TOPAZ1: variants seen among roughly 807,000 people sequenced by gnomAD.
The protein encoded by TOPAZ1 is testis and ovary specific TOPAZ 1.
TOPAZ1 carries 66 observed loss-of-function variants against 172.2 expected under a neutral mutation model. The ratio of observed to expected loss-of-function variants is 0.38; its 90% CI spans 0.31 to 0.47. TOPAZ1 has a LOEUF of 0.47. Ranked by LOEUF, TOPAZ1 falls within the 20% of genes least tolerant of loss-of-function variation. The pLI is 0.99. For synonymous variants in TOPAZ1, 681 were observed against 683.9 expected (o/e 1.00, Z 0.07); for missense variants, 1,822 against 1,972.4 (o/e 0.92, Z 1.44).
Position 44,267,049 on chromosome 3 carries a change from C to A in TOPAZ1, c.3073C>A (p.Pro1025Thr), listed in dbSNP as rs1202483110. ...GGTCGGCGAATGTCAATTTGCAGTA[C>A]CAGTCCCGAAACCTCTGTGTTTATT... ...FMVGECQFAV[P>T]VPKPLCLLVP... The change falls in exon 6 of 20, where the codon CCA becomes ACA. Residue 1025 changes from proline to threonine, a missense_variant. Physicochemically the swap from Pro to Thr is conservative, Grantham distance 38. This residue lies in a region of TOPAZ1 where 1,489 missense variants were observed against 1,490.8 expected (regional missense o/e 1.00). Coordinates refer to ENST00000309765, the MANE Select transcript of TOPAZ1 (RefSeq NM_001145030.2). 3.2e-6 allele frequency: 5 copies of A among 1,549,796 alleles called. No homozygotes were observed. In the Admixed American group the frequency reaches 7.9e-5, roughly 24 times the overall value.
Position 44,241,912 on chromosome 3 carries a change from C to A in TOPAZ1, c.-142C>A. ...CTTCCGCTTACGCGCCCCACTTCCG[C>A]TTCCGGCCCCGGGCTGTGGTGACTG... On this transcript the variant is annotated 5_prime_UTR_variant, in exon 1 of 20. Coordinates refer to ENST00000309765, the MANE Select transcript of TOPAZ1 (RefSeq NM_001145030.2). 1.2e-6 allele frequency: 1 copy of A among 822,172 alleles called. No individual in the cohort carries two copies. 50.9% of individuals were successfully genotyped at this position (822,172 alleles called of 1,614,324 possible).
In TOPAZ1 at chr3:44,244,248, C is replaced by T. The variant is rs1206151526; in HGVS notation, c.1742C>T (p.Thr581Ile). 1 of 1,549,242 alleles carries T rather than the reference C, an allele frequency of 6.5e-7. No homozygotes were observed. Among genetic ancestry groups the T allele is most frequent in the Non-Finnish European group, 8.7e-7 (1 of 1,145,934 alleles). The change falls in exon 2 of 20, where the codon ACT (threonine) becomes ATT (isoleucine). Residue 581 changes from threonine (T) to isoleucine (I), a missense_variant. Thr to Ile is a moderately conservative substitution (Grantham distance 89). This residue lies in a region of TOPAZ1 where 1,489 missense variants were observed against 1,490.8 expected (regional missense o/e 1.00). Coordinates refer to ENST00000309765, the MANE Select transcript of TOPAZ1 (RefSeq NM_001145030.2). ...TCTTCAGTTTCTGCAGTAGAACCTA[C>T]TTTAATGGTTATAAAGGAACCTATA... ...CLSSVSAVEP[T>I]LMVIKEPIIK...
intron 12 of TOPAZ1, among the ~76,000 whole-genome samples, chr3:44,296,701 A>G (rs1332441219): frequency 6.6e-6 from 1 of 152,100 alleles, no homozygotes; most frequent in Admixed American, 6.6e-5. Flanking sequence ...CAAGGGCCAG[A>G]TAGTTTCATT....
intron 12 of TOPAZ1, 114 bp from the exon 13 acceptor site, chr3:44,303,901 T>C (rs373381981): frequency 1.6e-5 from 9 of 558,956 alleles, no homozygotes; most frequent in South Asian, 1.5e-4. Flanking sequence ...TAGCATATTA[T>C]ATACATTCAT....
intron 16 of TOPAZ1, among the ~76,000 whole-genome samples, chr3:44,313,012 G>A (rs1700412059): frequency 6.6e-6 from 1 of 151,998 alleles, no homozygotes; most frequent in Non-Finnish European, 1.5e-5. Context: ...TCAGGCAGTA[G>A]CCTTTCAGTG....
In TOPAZ1 at chr3:44,287,741, A is replaced by T. The variant is rs1279392490; in HGVS notation, c.3589-6A>T. ...AAAATGAGTGTAATTTTTTTGTTTT[A>T]TCCAGCCTTCTCTGAAAATATTACT... On this transcript the variant is annotated splice_polypyrimidine_tract_variant and splice_region_variant and intron_variant, in intron 10 of 19. Coordinates refer to ENST00000309765, the MANE Select transcript of TOPAZ1 (RefSeq NM_001145030.2). 2 of 1,432,914 alleles carry T rather than the reference A, an allele frequency of 1.4e-6. No individual in the cohort carries two copies. The highest frequency in any genetic ancestry group is 1.9e-6 in the Non-Finnish European group (2 of 1,064,202). The allele number at this position is 1,432,914 out of a possible 1,614,324, so 88.8% of individuals were successfully genotyped here. A position where few individuals can be genotyped will look rare whatever the true frequency, so the allele number is the denominator to read the frequency against.
In TOPAZ1 at chr3:44,318,074, A is replaced by C. The variant is rs546209182; in HGVS notation, c.4307-2953A>C. Among the ~76,000 whole-genome samples, 182 of 152,288 alleles carry C rather than the reference A, an allele frequency of 1.2e-3. 1 individual carries two copies. The highest frequency in any genetic ancestry group is 2.3e-3 in the Non-Finnish European group (155 of 68,022). On this transcript the variant is annotated intron_variant, in intron 16 of 19. Coordinates refer to ENST00000309765, the MANE Select transcript of TOPAZ1 (RefSeq NM_001145030.2). ...GGCCCCTGGGTGGGAATCCCTGTGC[A>C]GTACTTGACAGGGCCTGTGGCCCGG...
chr3:44,307,746 A>C (rs559686754), intron 15 of TOPAZ1, among the ~76,000 whole-genome samples: 1 of 152,344 alleles, frequency 6.6e-6, no homozygotes, highest in Non-Finnish European at 1.5e-5. Flanking sequence ...GTATACCTAC[A>C]AAATTCACGA....
At chr3:44,269,115 G>A (rs1699864852) in intron 6 of TOPAZ1, 101 bp from the exon 7 acceptor site, 2 of 730,282 alleles carry the variant, frequency 2.7e-6, no homozygotes, top group African/African-American at 1.8e-5. Context: ...ATATTTCAAA[G>A]TGAAACTTTA....
At chr3:44,272,480 G>T (rs555811524) in intron 8 of TOPAZ1, among the ~76,000 whole-genome samples, 13 of 152,230 alleles carry the variant, frequency 8.5e-5, no homozygotes, top group African/African-American at 3.1e-4. Flanking sequence ...TTTATAATTT[G>T]CATTTCTCTG....
chr3:44,248,621 T>C (rs1479229234), intron 2 of TOPAZ1, among the ~76,000 whole-genome samples: 1 of 152,220 alleles, frequency 6.6e-6, no homozygotes, highest in East Asian at 1.9e-4. Context: ...TAGAACTAAA[T>C]GAAGCTTAAA....
chr3:44,263,803 A>G (rs991750567), intron 5 of TOPAZ1, among the ~76,000 whole-genome samples: 1 of 152,198 alleles, frequency 6.6e-6, no homozygotes, highest in Non-Finnish European at 1.5e-5. Context: ...TTTACTAATC[A>G]GCTCTGAAGT....
At chr3:44,323,328 G>T (rs1345981669) in intron 18 of TOPAZ1, 33 bp downstream of exon 18, 2 of 1,354,872 alleles carry the variant, frequency 1.5e-6, no homozygotes, top group African/African-American at 1.5e-5. Context: ...TAATATATTG[G>T]TTTATAATTG....
Position 44,245,015 on chromosome 3 carries a change from A to G in TOPAZ1, c.2509A>G (p.Arg837Gly). 1 of 1,551,732 alleles carries G rather than the reference A, an allele frequency of 6.4e-7. No individual in the cohort carries two copies. Among genetic ancestry groups the G allele is most frequent in the Non-Finnish European group, 8.7e-7 (1 of 1,146,992 alleles). The change falls in exon 2 of 20, where the codon AGG becomes GGG. Residue 837 changes from arginine (R) to glycine (G), a missense_variant. Arg to Gly is a moderately radical substitution (Grantham distance 125). Transcript: ENST00000309765. ...ETFRPVSSEV[R>G]GRKITKNFSE... ...ATTCCGACCAGTGTCCAGTGAAGTT[A>G]GGGGTAGAAAAATAACTAAGAATTT...
At chr3:44,296,010 A>T (rs1210306019) in intron 12 of TOPAZ1, among the ~76,000 whole-genome samples, 5 of 152,192 alleles carry the variant, frequency 3.3e-5, no homozygotes, top group Non-Finnish European at 5.9e-5. Flanking sequence ...TTAAAACTAT[A>T]CAGAGTACAT....
intron 9 of TOPAZ1, 143 bp from the exon 10 acceptor site, chr3:44,287,246 T>C (rs1401490806): frequency 3.3e-5 from 15 of 448,842 alleles, no homozygotes; most frequent in Non-Finnish European, 5.2e-5. Context: ...TCATCTACTC[T>C]TTCTAATACT....
At chr3:44,335,783 G>A (rs188063933), downstream of TOPAZ1, among the ~76,000 whole-genome samples, 397 of 152,278 alleles carry the variant, frequency 2.6e-3, 4 homozygotes, top group Admixed American at 0.01. Context: ...AAAGTGTTTA[G>A]AGCATGCTTC....
In TOPAZ1 at chr3:44,304,079, G is replaced by T. The variant is rs1238346535; in HGVS notation, c.3862G>T (p.Glu1288Ter). The T allele has an allele frequency of 6.0e-6, 9 of 1,504,386 alleles. No individual in the cohort carries two copies. The highest frequency in any genetic ancestry group is 8.1e-6 in the Non-Finnish European group (9 of 1,107,612). The allele number at this position is 1,504,386 out of a possible 1,614,324, so 93.2% of individuals were successfully genotyped here. The change falls in exon 13 of 20, where the codon GAG (glutamate) becomes TAG (stop). Residue 1288 changes from glutamate (E) to a stop codon, truncating the protein, a stop_gained and splice_region_variant. Coordinates refer to ENST00000309765, the MANE Select transcript of TOPAZ1 (RefSeq NM_001145030.2). LOFTEE classifies it high-confidence loss of function. ...CDLDSALNKL[E>*]HCKEKGDWTK... ...TTTAGATTCAGCCTTGAATAAATTA[G>T]AGGTATGACATTTATTATTTTAAAT...
chr3:44,244,369 G>A lies in TOPAZ1; in HGVS notation c.1863G>A (p.Glu621=). The A allele has an allele frequency of 6.4e-7, 1 of 1,550,854 alleles. No individual in the cohort carries two copies. Among genetic ancestry groups the A allele is most frequent in the Non-Finnish European group, 8.7e-7 (1 of 1,146,734 alleles). Residue 621 remains glutamate, a synonymous_variant, in exon 2 of 20, where the codon GAG becomes GAA. Transcript: ENST00000309765. ...CTGAAGATACTCAATTAACCAGTGA[G>A]ACTCAAAGCTTAACGGGAAATAAAA... is the stretch of plus-strand genomic sequence containing the variant. ...NTTEDTQLTS[E]TQSLTGNKKK...
Sources: allele counts gnomAD v4.1 joint callset (sites outside exome capture counted in the v4.1 genomes callset), GRCh38; gene constraint gnomAD v4.1.1; regional missense constraint gnomAD v4.1.1; transcripts MANE v1.5; gene names NCBI Gene and HGNC (gene_info 2026-07-23, HGNC 2026-07-21).